SDK1: variants seen among roughly 807,000 people sequenced by gnomAD.
SDK1 encodes protein sidekick-1.
A neutral mutation model predicts 245.5 loss-of-function variants in SDK1; 157 were observed. The observed-to-expected ratio is 0.64, with a 90% CI of 0.56 to 0.73. The LOEUF is 0.73. Among genes scored for constraint, SDK1 ranks in the 30% least tolerant of loss-of-function variants. SDK1 has a pLI of 0.00. For synonymous variants in SDK1, 1,647 were observed against 1,278.5 expected (o/e 1.29, Z -6.15); for missense variants, 3,583 against 3,002.3 (o/e 1.19, Z -4.52).
intron 1 of SDK1, among the ~76,000 whole-genome samples, chr7:3,422,380 G>A (rs1467180936): frequency 6.6e-6 from 1 of 152,204 alleles, no homozygotes; most frequent in Non-Finnish European, 1.5e-5. Flanking sequence ...ATATGCAACC[G>A]ATTAACTTGA....
intron 4 of SDK1, among the ~76,000 whole-genome samples, chr7:3,776,754 CAATAG>C (rs1780576849): frequency 6.6e-6 from 1 of 151,328 alleles, no homozygotes; most frequent in South Asian, 2.1e-4. Flanking sequence ...AATTGCCTGC[CAATAG>C]AATAGTTTCC....
At chr7:3,585,766 G>A (rs1023276517) in intron 1 of SDK1, among the ~76,000 whole-genome samples, 7 of 152,140 alleles carry the variant, frequency 4.6e-5, no homozygotes, top group African/African-American at 9.7e-5. Context: ...GAGATGAAAC[G>A]GGGGAGAAAT....
chr7:3,841,240 C>T (rs546314978), intron 5 of SDK1, among the ~76,000 whole-genome samples: 4 of 152,228 alleles, frequency 2.6e-5, no homozygotes, highest in East Asian at 1.9e-4. Flanking sequence ...TGAGGGGGGC[C>T]GAGACCCAGA....
chr7:3,374,907 A>G (rs1286010783), intron 1 of SDK1, among the ~76,000 whole-genome samples: 1 of 152,148 alleles, frequency 6.6e-6, no homozygotes, highest in Non-Finnish European at 1.5e-5. Context: ...CAGTTTCTTT[A>G]TAGTCTGTCA....
Position 4,079,595 on chromosome 7 carries a change from C to T in SDK1, c.3324+11C>T, listed in dbSNP as rs775134401. 5.6e-6 allele frequency: 9 copies of T among 1,613,770 alleles called. No individual in the cohort carries two copies. Among genetic ancestry groups the T allele is most frequent in the African/African-American group, 4.0e-5 (3 of 74,908 alleles). ...ATTGTTGAGGGGCAGGTACGTGTGT[C>T]GTTAGACTGGGAGCTGGCATTTGCG... On this transcript the variant is annotated intron_variant, in intron 22 of 44. Coordinates refer to ENST00000404826, the MANE Select transcript of SDK1 (RefSeq NM_152744.4).
chr7:3,570,693 C>A (rs1320255867), intron 1 of SDK1, among the ~76,000 whole-genome samples: 1 of 152,138 alleles, frequency 6.6e-6, no homozygotes, highest in African/African-American at 2.4e-5. Flanking sequence ...AGTGGCCCGG[C>A]CATATCCTGC....
At chr7:4,202,687 A>G (rs901481072) in intron 35 of SDK1, among the ~76,000 whole-genome samples, 11 of 152,206 alleles carry the variant, frequency 7.2e-5, no homozygotes, top group African/African-American at 2.7e-4. Context: ...GTTAATTCCT[A>G]CAGCTCTGAA....
chr7:4,227,204 G>A, intron 40 of SDK1: 1 of 316,714 alleles, frequency 3.2e-6, no homozygotes, highest in South Asian at 2.8e-5. Context: ...AGCAGGTTCA[G>A]CAAGAGGGGG....
intron 5 of SDK1, among the ~76,000 whole-genome samples, chr7:3,916,367 T>C (rs929306259): frequency 2.6e-5 from 4 of 152,224 alleles, no homozygotes; most frequent in African/African-American, 9.6e-5. Context: ...GAAGGCAGTG[T>C]TTTGCATGAC....
Position 4,175,843 on chromosome 7 carries a change from G to A in SDK1, c.4996+9G>A, listed in dbSNP as rs370935124. 3.0e-5 allele frequency: 49 copies of A among 1,611,200 alleles called. No individual in the cohort carries two copies. Among genetic ancestry groups the A allele is most frequent in the African/African-American group, 5.3e-5 (4 of 74,908 alleles). The stretch of plus-strand genomic sequence containing the variant: ...GATGTGTGAACTAACACGTAAGTGC[G>A]CTCTCAGCGGGAGGCCCATGCCGCG... On this transcript the variant is annotated intron_variant, in intron 34 of 44. Coordinates refer to ENST00000404826, the MANE Select transcript of SDK1 (RefSeq NM_152744.4).
intron 4 of SDK1, among the ~76,000 whole-genome samples, chr7:3,799,970 T>C (rs937181436): frequency 3.3e-5 from 5 of 152,144 alleles, no homozygotes; most frequent in Non-Finnish European, 7.4e-5. Flanking sequence ...TGGAAAAATA[T>C]TCCTTTCCCA....
chr7:4,060,990 C>A (rs965018416), intron 19 of SDK1, among the ~76,000 whole-genome samples: 3 of 152,082 alleles, frequency 2.0e-5, no homozygotes, highest in African/African-American at 7.3e-5. Flanking sequence ...TGTTCTGTTC[C>A]GTTGATCTAT....
At chr7:3,350,207 A>G (rs1182859085) in intron 1 of SDK1, among the ~76,000 whole-genome samples, 1 of 152,182 alleles carries the variant, frequency 6.6e-6, no homozygotes, top group East Asian at 1.9e-4. Context: ...ATCAGAAAAC[A>G]TAGGATGGAT....
chr7:3,856,543 T>C (rs1780550947), intron 5 of SDK1, among the ~76,000 whole-genome samples: 1 of 146,186 alleles, frequency 6.8e-6, no homozygotes, highest in Non-Finnish European at 1.5e-5. Flanking sequence ...GCAATCCCAG[T>C]ACTTTGGGAG....
intron 1 of SDK1, among the ~76,000 whole-genome samples, chr7:3,385,211 T>A (rs555148809): frequency 6.6e-6 from 1 of 152,318 alleles, no homozygotes; most frequent in Non-Finnish European, 1.5e-5. Context: ...TTCTCCTCTA[T>A]GAATTGATAA....
intron 4 of SDK1, among the ~76,000 whole-genome samples, chr7:3,764,835 G>C (rs1260775949): frequency 1.3e-5 from 2 of 151,936 alleles, no homozygotes; most frequent in Non-Finnish European, 2.9e-5. Flanking sequence ...AAACAGATAG[G>C]AAAATCCAGC....
intron 1 of SDK1, among the ~76,000 whole-genome samples, chr7:3,584,260 G>C (rs770504728): frequency 1.1e-4 from 16 of 152,200 alleles, no homozygotes; most frequent in Middle Eastern, 6.8e-3. Flanking sequence ...AAACGTATTT[G>C]ACCATGAGAT....
intron 1 of SDK1, among the ~76,000 whole-genome samples, chr7:3,610,720 T>A (rs982490279): frequency 6.6e-6 from 1 of 152,214 alleles, no homozygotes; most frequent in African/African-American, 2.4e-5. Context: ...CCCCCAGAGT[T>A]CCCTTAAATA....
In SDK1 at chr7:3,320,195, C is replaced by T. The variant is rs137968025; in HGVS notation, c.298+18311C>T. ...GCCCGTCCTTCCCACCGCACACATG[C>T]GCTGAAGGAGGTGAGCATTCTGGAG... is the stretch of plus-strand genomic sequence containing the variant. On this transcript the variant is annotated intron_variant, in intron 1 of 44. Transcript: ENST00000404826. Among the ~76,000 whole-genome samples, 202 of 152,176 alleles carry T rather than the reference C, an allele frequency of 1.3e-3. 1 individual carries two copies. The highest frequency in any genetic ancestry group is 4.7e-3 in the African/African-American group (196 of 41,512).
Sources: gnomAD v4.1 joint callset for allele counts (sites outside exome capture counted in the v4.1 genomes callset) on GRCh38, gnomAD v4.1.1 for gene constraint, MANE v1.5 for transcripts, NCBI Gene and HGNC (gene_info 2026-07-23, HGNC 2026-07-21) for gene names.